The following TAS2R1 variants were observed in gnomAD, a reference collection of about 807,000 sequenced individuals.
TAS2R1 encodes taste receptor type 2 member 1.
For missense variants in TAS2R1, 370 were observed against 353.4 expected, an observed-to-expected ratio of 1.05 and a Z score of -0.38; for synonymous variants, 141 against 134.2, an observed-to-expected ratio of 1.05 and a Z score of -0.35.
chr5:9,809,834 C>A, the TAS2R1 span, among the ~76,000 whole-genome samples: 1 of 152,246 alleles, frequency 6.6e-6, no homozygotes, highest in South Asian at 2.1e-4. Context: ...CTTCTTAGAG[C>A]CACACATGAA....
At chr5:9,789,966 C>T in the TAS2R1 span, among the ~76,000 whole-genome samples, 2 of 152,242 alleles carry the variant, frequency 1.3e-5, no homozygotes, top group African/African-American at 4.8e-5. Context: ...AGAGGAACTG[C>T]AGAAGAGTGT....
the TAS2R1 span, among the ~76,000 whole-genome samples, chr5:9,768,907 T>C: frequency 6.6e-6 from 1 of 152,234 alleles, no homozygotes; most frequent in Non-Finnish European, 1.5e-5. Context: ...CATCATCTTT[T>C]CTTTGTATTA....
At chr5:9,755,631 G>C in the TAS2R1 span, among the ~76,000 whole-genome samples, 1 of 146,022 alleles carries the variant, frequency 6.8e-6, no homozygotes, top group African/African-American at 2.5e-5. Flanking sequence ...AAGGAATAAA[G>C]AATGGCTATT....
the TAS2R1 span, among the ~76,000 whole-genome samples, chr5:9,900,618 G>GTTTTTTTTTTTTT: frequency 1.7e-5 from 2 of 119,958 alleles, no homozygotes; most frequent in East Asian, 2.6e-4. Context: ...TGCTCAAATG[G>GTTTTTTTTTTTTT]TTTTTTTTTT....
Position 9,657,158 on chromosome 5 carries a change from TG to T in TAS2R1, c.-81+2262del, listed in dbSNP as rs1740432045. 3.9e-5 allele frequency among the ~76,000 whole-genome samples: 6 copies of T among 152,282 alleles called. No individual in the cohort carries two copies. In the South Asian group the frequency reaches 1.2e-3, roughly 32 times the overall value. Reference sequence around the variant, plus strand: ...AACTTAAAATGTAGTGTGTCTTCTTTGGGTCTGAAATTATGCATGAGTTTTT... The same window carrying T: ...AACTTAAAATGTAGTGTGTCTTCTTTGGTCTGAAATTATGCATGAGTTTTT... On this transcript the variant is annotated intron_variant, in intron 2 of 2. Transcript: ENST00000506620.
the TAS2R1 span, among the ~76,000 whole-genome samples, chr5:9,893,603 T>TAA: frequency 1.3e-5 from 2 of 152,002 alleles, no homozygotes; most frequent in South Asian, 2.1e-4. Flanking sequence ...ATACTTGTAA[T>TAA]AAAAAAAATT....
chr5:9,660,725 T>A (rs1740516957), intron 1 of TAS2R1, among the ~76,000 whole-genome samples: 1 of 152,106 alleles, frequency 6.6e-6, no homozygotes, highest in South Asian at 2.1e-4. Flanking sequence ...GGGAAAAAAA[T>A]GACCCTTGAT....
At chr5:9,755,548 T>C in the TAS2R1 span, among the ~76,000 whole-genome samples, 9 of 132,788 alleles carry the variant, frequency 6.8e-5, no homozygotes, top group South Asian at 2.3e-4. Flanking sequence ...GATCGTGCCA[T>C]GGCATTCCAG....
At chr5:9,754,186 G>A in the TAS2R1 span, among the ~76,000 whole-genome samples, 1 of 152,066 alleles carries the variant, frequency 6.6e-6, no homozygotes, top group African/African-American at 2.4e-5. Flanking sequence ...ATGCAGAAAA[G>A]GCCTTTGACA....
chr5:9,832,490 G>A, the TAS2R1 span, among the ~76,000 whole-genome samples: 1 of 152,218 alleles, frequency 6.6e-6, no homozygotes, highest in Non-Finnish European at 1.5e-5. Context: ...CTCCCAGCCA[G>A]GGTTCTCCTG....
the TAS2R1 span, among the ~76,000 whole-genome samples, chr5:9,752,961 G>C: frequency 2.0e-5 from 3 of 152,040 alleles, no homozygotes; most frequent in Admixed American, 2.0e-4. Flanking sequence ...TTGGACATTT[G>C]GCTTGGTTCC....
intron 1 of TAS2R1, among the ~76,000 whole-genome samples, chr5:9,700,676 T>C (rs1369945002): frequency 6.6e-6 from 1 of 152,038 alleles, no homozygotes; most frequent in African/African-American, 2.4e-5. Context: ...ATCACAGTCC[T>C]GGAGGCTAGA....
chr5:9,661,179 C>T (rs893499404), intron 1 of TAS2R1, among the ~76,000 whole-genome samples: 2 of 152,206 alleles, frequency 1.3e-5, no homozygotes, highest in South Asian at 2.1e-4. Flanking sequence ...CCAAGTTATA[C>T]TTCTAATTAA....
chr5:9,716,449 G>A (rs926874042), upstream of TAS2R1, among the ~76,000 whole-genome samples: 4 of 151,986 alleles, frequency 2.6e-5, no homozygotes, highest in Admixed American at 6.5e-5. Context: ...GCTAACTAAG[G>A]AGAAAGTCCT....
chr5:9,764,711 C>A, the TAS2R1 span, among the ~76,000 whole-genome samples: 2 of 152,166 alleles, frequency 1.3e-5, no homozygotes, highest in African/African-American at 4.8e-5. Flanking sequence ...GGATGGAAAA[C>A]AATTTCTCTA....
chr5:9,649,736 T>C (rs1740264831), intron 2 of TAS2R1, among the ~76,000 whole-genome samples: 2 of 152,170 alleles, frequency 1.3e-5, no homozygotes, highest in Non-Finnish European at 2.9e-5. Context: ...ATTTAAGAGG[T>C]CAGACTATGC....
chr5:9,659,238 C>G (rs766520256), intron 2 of TAS2R1, among the ~76,000 whole-genome samples: 2 of 152,170 alleles, frequency 1.3e-5, no homozygotes, highest in Non-Finnish European at 2.9e-5. Context: ...ACCCCATGAA[C>G]TACTCCCCCA....
the TAS2R1 span, among the ~76,000 whole-genome samples, chr5:9,790,900 A>T: frequency 9.9e-5 from 15 of 152,266 alleles, no homozygotes; most frequent in East Asian, 2.9e-3. Flanking sequence ...TCTGCCTCTC[A>T]AAGTGCTGGG....
At chr5:9,844,560 G>A in the TAS2R1 span, among the ~76,000 whole-genome samples, 1 of 152,096 alleles carries the variant, frequency 6.6e-6, no homozygotes, top group Non-Finnish European at 1.5e-5. Flanking sequence ...AATACATCTT[G>A]TTTGTAATTT....
Sources: gnomAD v4.1 joint callset for allele counts (sites outside exome capture counted in the v4.1 genomes callset) on GRCh38, gnomAD v4.1.1 for gene constraint, MANE v1.5 for transcripts, NCBI Gene and HGNC (gene_info 2026-07-23, HGNC 2026-07-21) for gene names.